The following HS3ST3B1 variants were observed in gnomAD, a reference collection of about 807,000 sequenced individuals.
The protein encoded by HS3ST3B1 is heparan sulfate-glucosamine 3-sulfotransferase 3B1, also known as heparan sulfate glucosamine 3-O-sulfotransferase 3B1.
A neutral mutation model predicts 21.3 loss-of-function variants in HS3ST3B1; 13 were observed. The ratio of observed to expected loss-of-function variants is 0.61; its 90% CI spans 0.40 to 0.97. HS3ST3B1 has a LOEUF of 0.97. Ranked by LOEUF, HS3ST3B1 falls within the 50% of genes least tolerant of loss-of-function variation. The pLI is 0.00. For synonymous variants in HS3ST3B1, 234 were observed against 254.8 expected, an observed-to-expected ratio of 0.92 and a Z score of 0.78; for missense variants, 459 against 554.8, an observed-to-expected ratio of 0.83 and a Z score of 1.73.
chr17:14,344,685 G>A, intron 1 of HS3ST3B1, among the ~76,000 whole-genome samples: 1 of 152,142 alleles, frequency 6.6e-6, no homozygotes, highest in Non-Finnish European at 1.5e-5. Context: ...ACTTATCAGA[G>A]GCCAAAGGCT....
intron 1 of HS3ST3B1, among the ~76,000 whole-genome samples, chr17:14,317,763 A>C (rs1418328868): frequency 6.6e-6 from 1 of 152,104 alleles, no homozygotes; most frequent in Non-Finnish European, 1.5e-5. Context: ...CATTAAAGAG[A>C]GGGCTTTTAT....
chr17:14,338,568 A>G (rs537749378), intron 1 of HS3ST3B1, among the ~76,000 whole-genome samples: 1 of 151,394 alleles, frequency 6.6e-6, no homozygotes, highest in South Asian at 2.1e-4. Context: ...TCAGCCTCCC[A>G]AGTAGCTGAG....
intron 1 of HS3ST3B1, among the ~76,000 whole-genome samples, chr17:14,338,505 C>A (rs1397607311): frequency 6.6e-6 from 1 of 151,320 alleles, no homozygotes; most frequent in East Asian, 1.9e-4. Flanking sequence ...TGCAATGGCA[C>A]CATCTCGGCT....
In HS3ST3B1 at chr17:14,301,735, G is replaced by A; in HGVS notation, c.217G>A (p.Asp73Asn). The change falls in exon 1 of 2, where the codon GAC (aspartate) becomes AAC (asparagine). Residue 73 changes from aspartate (D) to asparagine (N), a missense_variant. Physicochemically the swap from Asp to Asn is conservative, Grantham distance 23. Around this residue, in one of 3 missense-constraint regions of HS3ST3B1, gnomAD observed 317 missense variants for 278.6 expected, o/e 1.14. Coordinates refer to ENST00000360954, the MANE Select transcript of HS3ST3B1 (RefSeq NM_006041.3). ...GGGCTCTGGGTCCCGCGCCGCACAC[G>A]ACCCGCCAGCCCTGGCCACAGCTCC... The part of the protein sequence containing the change: ...LLGSGSRAAH[D>N]PPALATAPDG... The A allele has an allele frequency of 6.3e-7, 1 of 1,597,670 alleles. No individual in the cohort carries two copies. Among genetic ancestry groups the A allele is most frequent in the Non-Finnish European group, 8.5e-7 (1 of 1,174,102 alleles).
intron 1 of HS3ST3B1, among the ~76,000 whole-genome samples, chr17:14,339,937 A>T (rs1703734549): frequency 6.6e-6 from 1 of 152,122 alleles, no homozygotes; most frequent in Non-Finnish European, 1.5e-5. Context: ...TGCCCAGAGG[A>T]GGGGCAGAGG....
intron 1 of HS3ST3B1, among the ~76,000 whole-genome samples, chr17:14,308,017 C>T (rs1216835249): frequency 2.0e-5 from 3 of 152,088 alleles, no homozygotes; most frequent in Non-Finnish European, 2.9e-5. Flanking sequence ...TTTACCATGA[C>T]TGAAAAGAAA....
rs777089295 is a variant in HS3ST3B1, at chr17:14,301,924, C to G, written c.406C>G (p.Gln136Glu). 1.9e-6 allele frequency: 3 copies of G among 1,609,210 alleles called. No individual in the cohort carries two copies. The East Asian group carries it at 6.7e-5, about 36-fold the overall frequency. ...SSFFSGSGSK[Q>E]LPQAIIIGVK... ...CTTTTTCAGTGGGTCTGGGAGCAAGCAGCTGCCGCAGGCCATCATCATCGG... is the reference window on the plus strand; with the variant it reads ...CTTTTTCAGTGGGTCTGGGAGCAAGGAGCTGCCGCAGGCCATCATCATCGG... Residue 136 changes from glutamine to glutamate, a missense_variant, in exon 1 of 2, where the codon CAG becomes GAG. By Grantham distance (29) the Gln-to-Glu change is conservative. This residue lies in a region of HS3ST3B1 where 317 missense variants were observed against 278.6 expected (regional missense o/e 1.14). Coordinates refer to ENST00000360954, the MANE Select transcript of HS3ST3B1 (RefSeq NM_006041.3).
intron 1 of HS3ST3B1, among the ~76,000 whole-genome samples, chr17:14,318,166 ATTC>A: frequency 6.6e-6 from 1 of 152,144 alleles, no homozygotes; most frequent in Non-Finnish European, 1.5e-5. Flanking sequence ...AAAGAGAGCC[ATTC>A]TTCTCCAACT....
intron 1 of HS3ST3B1, among the ~76,000 whole-genome samples, chr17:14,336,869 G>A (rs753944168): frequency 6.6e-6 from 1 of 152,118 alleles, no homozygotes; most frequent in Middle Eastern, 3.4e-3. Context: ...TATAAAGAAA[G>A]GAGTTTATTT....
chr17:14,326,734 C>T (rs1909829307), intron 1 of HS3ST3B1, among the ~76,000 whole-genome samples: 1 of 151,888 alleles, frequency 6.6e-6, no homozygotes, highest in South Asian at 2.1e-4. Flanking sequence ...GCCTGGCCAA[C>T]ATGATGAAAC....
chr17:14,323,321 T>G (rs184864278), intron 1 of HS3ST3B1, among the ~76,000 whole-genome samples: 160 of 152,328 alleles, frequency 1.1e-3, no homozygotes, highest in African/African-American at 3.7e-3. Flanking sequence ...ACTGGGGAAT[T>G]TGCATACCTT....
chr17:14,313,340 T>C (rs34706102), intron 1 of HS3ST3B1, among the ~76,000 whole-genome samples: 5,190 of 151,828 alleles, frequency 0.034, 146 homozygotes, highest in Admixed American at 0.079. Flanking sequence ...GGCCCTTACT[T>C]ACTCTGCAGC....
In HS3ST3B1 at chr17:14,322,095, A is replaced by G. The variant is rs528956102; in HGVS notation, c.554+20023A>G. ...AACCTTTTTTTTTTAATTGTCGGATAGGAAAAGAAGACAAAAACCTCTTTA... is the reference window on the plus strand; with the variant it reads ...AACCTTTTTTTTTTAATTGTCGGATGGGAAAAGAAGACAAAAACCTCTTTA... On this transcript the variant is annotated intron_variant, in intron 1 of 1. Transcript: ENST00000360954. 3.6e-4 allele frequency among the ~76,000 whole-genome samples: 54 copies of G among 151,912 alleles called. No individual in the cohort carries two copies. In the South Asian group the frequency reaches 0.011, roughly 31 times the overall value.
chr17:14,313,093 G>GT (rs1555548188), intron 1 of HS3ST3B1, among the ~76,000 whole-genome samples: 768 of 67,882 alleles, frequency 0.011, 11 homozygotes, highest in African/African-American at 0.04. Flanking sequence ...GTGTGTGTGT[G>GT]GTGTGTGTGT....
At chr17:14,327,635 C>G (rs1350665967) in intron 1 of HS3ST3B1, 1 of 152,196 alleles carries the variant, frequency 6.6e-6, no homozygotes, top group Non-Finnish European at 1.5e-5. Context: ...CTGGCCCCAC[C>G]TGTTTATTAT....
chr17:14,312,676 C>T (rs867045125), intron 1 of HS3ST3B1, among the ~76,000 whole-genome samples: 6 of 151,938 alleles, frequency 3.9e-5, no homozygotes, highest in African/African-American at 1.5e-4. Context: ...GGCCTGCTCC[C>T]ATCCCCTCCT....
rs771129814 is a variant in HS3ST3B1 at position 14,301,665 on chromosome 17, C to A, written c.147C>A (p.Tyr49Ter). 1 of 1,604,046 alleles carries A rather than the reference C, an allele frequency of 6.2e-7. No individual in the cohort carries two copies. Among genetic ancestry groups the A allele is most frequent in the Non-Finnish European group, 8.5e-7 (1 of 1,177,052 alleles). Residue 49 changes from tyrosine to a stop codon, truncating the protein, a stop_gained, in exon 1 of 2, where the codon TAC (tyrosine) becomes TAA (stop). Transcript: ENST00000360954. LOFTEE classifies it high-confidence loss of function. ...MLCVWLYMFLYSCAGSCAAAP... is the reference protein window; with the variant it reads ...MLCVWLYMFL Reference sequence around the variant, plus strand: ...GCGTCTGGCTCTATATGTTCCTGTACTCGTGCGCCGGCTCCTGCGCCGCCG... The same window carrying A: ...GCGTCTGGCTCTATATGTTCCTGTAATCGTGCGCCGGCTCCTGCGCCGCCG...
chr17:14,340,972 A>C (rs1910360435), intron 1 of HS3ST3B1, among the ~76,000 whole-genome samples: 1 of 152,186 alleles, frequency 6.6e-6, no homozygotes, highest in Non-Finnish European at 1.5e-5. Context: ...ACAATAATCA[A>C]AATAAATTCT....
At chr17:14,344,863 G>A (rs1180422644) in intron 1 of HS3ST3B1, among the ~76,000 whole-genome samples, 165 bp from the exon 2 acceptor site, 3 of 152,136 alleles carry the variant, frequency 2.0e-5, no homozygotes, top group Non-Finnish European at 2.9e-5. Context: ...AAACCAGGTG[G>A]GATGCTAATC....
Sources: gnomAD v4.1 joint callset for allele counts (sites outside exome capture counted in the v4.1 genomes callset) on GRCh38, gnomAD v4.1.1 for gene constraint, gnomAD v4.1.1 regional missense constraint, MANE v1.5 for transcripts, NCBI Gene and HGNC (gene_info 2026-07-23, HGNC 2026-07-21) for gene names.